AP3S2: variants seen among roughly 807,000 people sequenced by gnomAD.
AP3S2 encodes the protein AP-3 complex subunit sigma-2.
In AP3S2, 22 loss-of-function variants were observed where a neutral mutation model predicts 23.4. The ratio of observed to expected loss-of-function variants is 0.94; its 90% CI spans 0.67 to 1.34. AP3S2 has a LOEUF of 1.34. Among genes scored for constraint, AP3S2 ranks in the 40% most tolerant of loss-of-function variants. The probability of loss-of-function intolerance (pLI) is 0.00; values close to 1 mark genes in which losing one functional copy is unlikely to be tolerated. For missense variants in AP3S2, 241 were observed against 236.9 expected (o/e 1.02, Z -0.11); for synonymous variants, 86 against 87.1 (o/e 0.99, Z 0.07).
chr15:89,863,800 T>G (rs1370144391), intron 4 of AP3S2, among the ~76,000 whole-genome samples: 3 of 152,188 alleles, frequency 2.0e-5, no homozygotes, highest in Admixed American at 1.3e-4. Flanking sequence ...GTGAAGAGAT[T>G]CTTTAGTTAA....
At position 89,837,624 on chromosome 15, in the gene AP3S2, C is replaced by A; in HGVS notation, c.444G>T (p.Glu148Asp). The A allele has an allele frequency of 6.2e-7, 1 of 1,614,164 alleles. No homozygotes were observed. Among genetic ancestry groups the A allele is most frequent in the Non-Finnish European group, 8.5e-7 (1 of 1,180,014 alleles). Residue 148 changes from glutamate to aspartate, a missense_variant, in exon 5 of 6, where the codon GAG (glutamate) becomes GAT (aspartate). Coordinates refer to ENST00000336418, the MANE Select transcript of AP3S2 (RefSeq NM_005829.5). ...VAQIEAQNRLEKSEGGLSAAP... is the reference protein window; with the variant it reads ...VAQIEAQNRLDKSEGGLSAAP... Reference sequence around the variant, plus strand: ...ACAGCTGCTTACTCACCTCGGATTTCTCCAGCCTGTTTTGAGCCTCAATCT... The same window carrying A: ...ACAGCTGCTTACTCACCTCGGATTTATCCAGCCTGTTTTGAGCCTCAATCT...
intron 3 of AP3S2, among the ~76,000 whole-genome samples, chr15:89,885,954 AAAT>A: frequency 6.6e-6 from 1 of 151,798 alleles, no homozygotes; most frequent in Non-Finnish European, 1.5e-5. Context: ...AAAAAAAAAA[AAAT>A]CAAACTTTTT....
intron 4 of AP3S2, among the ~76,000 whole-genome samples, chr15:89,844,452 C>T (rs1895436490): frequency 6.6e-6 from 1 of 151,882 alleles, no homozygotes; most frequent in African/African-American, 2.4e-5. Context: ...ATCCTCCTGC[C>T]TCAGTCTCAT....
chr15:89,833,572 A>G lies in AP3S2; in HGVS notation c.*1943T>C, dbSNP rs1255109220. 6.6e-6 allele frequency: 1 copy of G among 152,230 alleles called. No individual in the cohort carries two copies. The highest frequency in any genetic ancestry group is 2.4e-5 in the African/African-American group (1 of 41,454). The allele number at this position is 152,230 out of a possible 1,614,324, so 9.4% of individuals were successfully genotyped here. On this transcript the variant is annotated 3_prime_UTR_variant, in exon 6 of 6. Transcript: ENST00000336418. ...TACAGAAGGTACGAAATAAACGCCG[A>G]TCTCCTTTATTCTGATCTCACATTC...
chr15:89,859,802 C>T (rs1167172104), intron 4 of AP3S2, among the ~76,000 whole-genome samples: 3 of 136,004 alleles, frequency 2.2e-5, no homozygotes, highest in Admixed American at 8.4e-5. Context: ...CTCGCTCTGT[C>T]ACCCAGGCTG....
At chr15:89,858,469 AAGAAAGAAAG>A (rs1392771329) in intron 4 of AP3S2, among the ~76,000 whole-genome samples, 62 of 27,844 alleles carry the variant, frequency 2.2e-3, no homozygotes, top group Non-Finnish European at 3.7e-3. Context: ...GAAAGAAAGA[AAGAAAGAAAG>A]AAAGAAAGAA....
At chr15:89,888,323 C>A (rs1323606807) in intron 3 of AP3S2, among the ~76,000 whole-genome samples, 198 bp downstream of exon 3, 1 of 152,206 alleles carries the variant, frequency 6.6e-6, no homozygotes, top group African/African-American at 2.4e-5. Flanking sequence ...AAGGGCAGTG[C>A]AAGGGCTAGA....
At chr15:89,858,535 AAG>A (rs1194102114) in intron 4 of AP3S2, among the ~76,000 whole-genome samples, 1 of 51,418 alleles carries the variant, frequency 1.9e-5, no homozygotes, top group African/African-American at 6.5e-5. Context: ...GAAAGAAAGA[AAG>A]AAAGAAAGAA....
chr15:89,891,693 A>C (rs1311719921), intron 1 of AP3S2, among the ~76,000 whole-genome samples: 2 of 151,998 alleles, frequency 1.3e-5, no homozygotes, highest in African/African-American at 4.8e-5. Context: ...ACCACTTTAC[A>C]CCCACTAAAA....
At chr15:89,856,883 A>AAAAAG (rs535526968) in intron 4 of AP3S2, among the ~76,000 whole-genome samples, 1,735 of 149,898 alleles carry the variant, frequency 0.012, 43 homozygotes, top group African/African-American at 0.036. Flanking sequence ...AAAAAAAAAA[A>AAAAAG]AAAAGAAAAG....
intron 1 of AP3S2, among the ~76,000 whole-genome samples, chr15:89,889,863 CAAAAAAA>C (rs940624860): frequency 5.2e-5 from 1 of 19,238 alleles, no homozygotes; most frequent in Non-Finnish European, 1.1e-4. Flanking sequence ...GACTCCATCT[CAAAAAAA>C]AAAAAAAAAA....
intron 4 of AP3S2, chr15:89,848,788 G>T (rs1342677518): frequency 6.6e-6 from 1 of 152,216 alleles, no homozygotes; most frequent in South Asian, 2.1e-4. Flanking sequence ...GGGTAACGAC[G>T]CTCTGAGGTG....
chr15:89,888,229 T>C (rs1180530219), intron 3 of AP3S2, among the ~76,000 whole-genome samples: 1 of 152,050 alleles, frequency 6.6e-6, no homozygotes, highest in Non-Finnish European at 1.5e-5. Context: ...CACATCTCAG[T>C]TTTCATGAAG....
rs769434767 is a variant in AP3S2, at chr15:89,858,455, AAAAG to A, written c.345+13016_345+13019del. Among the ~76,000 whole-genome samples, 317 of 131,126 alleles carry A rather than the reference AAAAG, an allele frequency of 2.4e-3. 3 individuals carry two copies. The highest frequency in any genetic ancestry group is 0.012 in the South Asian group (42 of 3,626). 86.0% of individuals were successfully genotyped at this position (131,126 alleles called of 152,430 possible). ...AAACTCCATCTCAAAAAAAGAAAGAAAAAGAAAGAAAGAAAGAAAGAAAGAAAGA... is the reference window on the plus strand; with the variant it reads ...AAACTCCATCTCAAAAAAAGAAAGAAAAAGAAAGAAAGAAAGAAAGAAAGA... On this transcript the variant is annotated intron_variant, in intron 4 of 5. Transcript: ENST00000336418.
At chr15:89,890,754 T>C (rs1023890572) in intron 1 of AP3S2, among the ~76,000 whole-genome samples, 2 of 152,204 alleles carry the variant, frequency 1.3e-5, no homozygotes, top group African/African-American at 2.4e-5. Flanking sequence ...ATCCCTTTCT[T>C]TCTATAGCCC....
At chr15:89,860,872 C>G (rs1456214692) in intron 4 of AP3S2, among the ~76,000 whole-genome samples, 1 of 152,204 alleles carries the variant, frequency 6.6e-6, no homozygotes, top group Non-Finnish European at 1.5e-5. Context: ...CAGGGATAGT[C>G]AGGTATGTTA....
intron 5 of AP3S2, 57 bp from the exon 6 acceptor site, chr15:89,835,700 C>T: frequency 1.3e-6 from 1 of 783,942 alleles, no homozygotes. Context: ...CTGCTTAATG[C>T]TAAAAAAAAA....
intron 4 of AP3S2, 181 bp from the exon 5 acceptor site, chr15:89,837,903 A>G (rs1187617176): frequency 1.0e-5 from 6 of 595,344 alleles, no homozygotes; most frequent in African/African-American, 7.5e-5. Flanking sequence ...GTCTTGGCAC[A>G]TGGCAACACG....
At chr15:89,860,394 C>T (rs968478619) in intron 4 of AP3S2, among the ~76,000 whole-genome samples, 19 of 152,198 alleles carry the variant, frequency 1.2e-4, no homozygotes, top group Admixed American at 1.2e-3. Context: ...ACACAAGCAC[C>T]GTGACACTGT....
Sources: gnomAD v4.1 joint callset for allele counts (sites outside exome capture counted in the v4.1 genomes callset) on GRCh38, gnomAD v4.1.1 for gene constraint, MANE v1.5 for transcripts, NCBI Gene and HGNC (gene_info 2026-07-23, HGNC 2026-07-21) for gene names.